Variants in EPHB2 observed in about 807,000 individuals in gnomAD.
The protein encoded by EPHB2 is ephrin type-B receptor 2.
A neutral mutation model predicts 96.4 loss-of-function variants in EPHB2; 18 were observed. That is an observed-to-expected ratio of 0.19 (90% CI 0.13 to 0.28). The LOEUF is 0.28. EPHB2 is among the 10% of genes least tolerant of loss of function. EPHB2 has a pLI of 1.00. For missense variants in EPHB2, 989 were observed against 1,355.4 expected, an observed-to-expected ratio of 0.73 and a Z score of 4.25; for synonymous variants, 506 against 534.1, an observed-to-expected ratio of 0.95 and a Z score of 0.72.
At chr1:22,848,456 G>A (rs1288725097) in intron 3 of EPHB2, among the ~76,000 whole-genome samples, 1 of 152,218 alleles carries the variant, frequency 6.6e-6, no homozygotes, top group Non-Finnish European at 1.5e-5. Flanking sequence ...CTACCAGGAG[G>A]ATGCTGGCTG....
intron 1 of EPHB2, among the ~76,000 whole-genome samples, chr1:22,726,667 C>A (rs1643588759): frequency 6.6e-6 from 1 of 152,128 alleles, no homozygotes. Context: ...AGTGATCTGC[C>A]CGCCTCAGCC....
chr1:22,890,870 A>G (rs1230346578), intron 6 of EPHB2, among the ~76,000 whole-genome samples: 3 of 152,212 alleles, frequency 2.0e-5, no homozygotes, highest in African/African-American at 4.8e-5. Context: ...TTCTTCTGCC[A>G]TGGTTGTAAG....
chr1:22,721,999 G>T (rs1643477820), intron 1 of EPHB2, among the ~76,000 whole-genome samples: 1 of 152,164 alleles, frequency 6.6e-6, no homozygotes, highest in Admixed American at 6.5e-5. Context: ...CTAAGCTGGA[G>T]TGCGGTGACA....
intron 3 of EPHB2, among the ~76,000 whole-genome samples, chr1:22,801,240 C>G (rs1243208301): frequency 3.3e-5 from 5 of 152,186 alleles, no homozygotes; most frequent in Admixed American, 2.0e-4. Flanking sequence ...CCGGCTGTTA[C>G]GTTTACGAAG....
At chr1:22,866,065 C>T (rs1242146728) in intron 5 of EPHB2, among the ~76,000 whole-genome samples, 1 of 152,160 alleles carries the variant, frequency 6.6e-6, no homozygotes, top group Admixed American at 6.5e-5. Context: ...TCCTCAGTGT[C>T]ATAGGAGGCT....
At chr1:22,818,111 G>T (rs373992821) in intron 3 of EPHB2, among the ~76,000 whole-genome samples, 1 of 151,972 alleles carries the variant, frequency 6.6e-6, no homozygotes, top group Non-Finnish European at 1.5e-5. Flanking sequence ...TTAGTCTGTC[G>T]CTTCCCTTAC....
At chr1:22,740,172 G>A (rs1643886206) in intron 1 of EPHB2, among the ~76,000 whole-genome samples, 1 of 152,208 alleles carries the variant, frequency 6.6e-6, no homozygotes, top group Admixed American at 6.5e-5. Flanking sequence ...AATGCAGCCA[G>A]GCCCTCTCCA....
At chr1:22,786,157 C>CT (rs1486686578) in intron 3 of EPHB2, among the ~76,000 whole-genome samples, 1 of 152,224 alleles carries the variant, frequency 6.6e-6, no homozygotes, top group Non-Finnish European at 1.5e-5. Flanking sequence ...CTTCCACTCA[C>CT]TAGCGGTATC....
intron 3 of EPHB2, among the ~76,000 whole-genome samples, chr1:22,786,721 C>T (rs1251954359): frequency 2.6e-5 from 4 of 151,852 alleles, no homozygotes; most frequent in South Asian, 4.2e-4. Context: ...AGAGGAGAGG[C>T]GAGATCAAAG....
chr1:22,895,328 TG>T, intron 7 of EPHB2, 143 bp from the exon 8 acceptor site: 1 of 739,990 alleles, frequency 1.4e-6, no homozygotes, highest in Non-Finnish European at 2.4e-6. Flanking sequence ...CTTTTCTGCA[TG>T]GGCATGTAAC....
intron 3 of EPHB2, among the ~76,000 whole-genome samples, chr1:22,861,406 G>A (rs1638251535): frequency 1.3e-5 from 2 of 152,188 alleles, no homozygotes; most frequent in South Asian, 4.1e-4. Context: ...GGGAGGCTGA[G>A]GCAGGAGGAC....
At chr1:22,822,497 T>G (rs529303120) in intron 3 of EPHB2, among the ~76,000 whole-genome samples, 1 of 152,358 alleles carries the variant, frequency 6.6e-6, no homozygotes, top group East Asian at 1.9e-4. Flanking sequence ...AGCCCCTAAC[T>G]GGCAGAGGTG....
chr1:22,752,036 G>T (rs562549468), intron 1 of EPHB2, among the ~76,000 whole-genome samples: 1 of 152,220 alleles, frequency 6.6e-6, no homozygotes, highest in Non-Finnish European at 1.5e-5. Flanking sequence ...GTGGCCTTGG[G>T]TTGGTCATTT....
At chr1:22,835,663 A>G (rs1311835396) in intron 3 of EPHB2, 1 of 152,242 alleles carries the variant, frequency 6.6e-6, no homozygotes, top group East Asian at 1.9e-4. Flanking sequence ...TGCCTAGCCC[A>G]TTGTAAGTAC....
chr1:22,912,207 G>C (rs192273535), intron 14 of EPHB2, among the ~76,000 whole-genome samples: 1 of 152,248 alleles, frequency 6.6e-6, no homozygotes, highest in Non-Finnish European at 1.5e-5. Flanking sequence ...CCCCAGCTTT[G>C]AGTTCTGCAC....
chr1:22,713,875 A>G (rs1424884854), intron 1 of EPHB2, among the ~76,000 whole-genome samples: 1 of 152,106 alleles, frequency 6.6e-6, no homozygotes, highest in Non-Finnish European at 1.5e-5. Context: ...TAAGCTTAGC[A>G]TCTCCCCCAA....
chr1:22,868,880 AC>A (rs1437802000), intron 5 of EPHB2, among the ~76,000 whole-genome samples: 1 of 152,182 alleles, frequency 6.6e-6, no homozygotes, highest in Non-Finnish European at 1.5e-5. Flanking sequence ...ACCAAATTGT[AC>A]ATAAGAACTA....
chr1:22,880,287 G>A (rs1306051055), intron 5 of EPHB2, among the ~76,000 whole-genome samples: 1 of 152,158 alleles, frequency 6.6e-6, no homozygotes, highest in Non-Finnish European at 1.5e-5. Flanking sequence ...TGATGTTCAG[G>A]TTCCCCTGAA....
At chr1:22,793,065 G>A (rs1342429577) in intron 3 of EPHB2, among the ~76,000 whole-genome samples, 1 of 152,074 alleles carries the variant, frequency 6.6e-6, no homozygotes, top group East Asian at 1.9e-4. Flanking sequence ...GGGAAGGGTG[G>A]GGGTCAGTCA....
Sources: gnomAD v4.1 joint callset for allele counts (sites outside exome capture counted in the v4.1 genomes callset) on GRCh38, gnomAD v4.1.1 for gene constraint, MANE v1.5 for transcripts, NCBI Gene and HGNC (gene_info 2026-07-23, HGNC 2026-07-21) for gene names.